Variants in SERPINA4 observed in about 807,000 individuals in gnomAD.
SERPINA4 encodes serpin family A member 4.
Under a neutral mutation model 25.4 loss-of-function variants are expected in SERPINA4, and 24 were observed. The observed-to-expected ratio is 0.95, with a 90% CI of 0.69 to 1.33. The LOEUF (loss-of-function observed/expected upper bound fraction) is 1.33. Ranked by LOEUF, SERPINA4 falls within the 40% of genes most tolerant of loss-of-function variation. The pLI is 0.00. For synonymous variants in SERPINA4, 242 were observed against 223.6 expected (o/e 1.08, Z -0.73); for missense variants, 553 against 535.8 (o/e 1.03, Z -0.32).
intron 2 of SERPINA4, among the ~76,000 whole-genome samples, chr14:94,565,521 T>C (rs1338445383): frequency 1.3e-5 from 2 of 152,192 alleles, no homozygotes; most frequent in Non-Finnish European, 2.9e-5. Flanking sequence ...CATGTGGAAT[T>C]TTCATGAACC....
At chr14:94,564,248 G>A in intron 2 of SERPINA4, 117 bp downstream of exon 2, 2 of 1,064,302 alleles carry the variant, frequency 1.9e-6, no homozygotes, top group East Asian at 2.4e-5. Context: ...GTGTCTGATA[G>A]GGTTGAGCAA....
rs768543200 is a variant in SERPINA4 at position 94,563,806 on chromosome 14, C to A, written c.324C>A (p.Asn108Lys). Reference sequence around the variant, plus strand: ...AGATCCTTGAGGGCCTGGGCTTCAACCTCACCGAGCTGTCTGAGTCCGATG... The same window carrying A: ...AGATCCTTGAGGGCCTGGGCTTCAAACTCACCGAGCTGTCTGAGTCCGATG... ...RSQILEGLGF[N>K]LTELSESDVH... The change falls in exon 2 of 5, where the codon AAC (asparagine) becomes AAA (lysine). Residue 108 changes from asparagine to lysine, a missense_variant. By Grantham distance (94) the Asn-to-Lys change is moderately conservative (BLOSUM62 0). Coordinates refer to ENST00000557004, the MANE Select transcript of SERPINA4 (RefSeq NM_006215.4). 10 of 1,614,102 alleles carry A rather than the reference C, an allele frequency of 6.2e-6. No individual in the cohort carries two copies. The highest frequency in any genetic ancestry group is 1.3e-5 in the African/African-American group (1 of 74,952).
chr14:94,568,898 A>T (rs1425984371), intron 4 of SERPINA4, among the ~76,000 whole-genome samples: 2 of 151,232 alleles, frequency 1.3e-5, no homozygotes, highest in South Asian at 2.1e-4. Flanking sequence ...AATAGAGGAA[A>T]CAGAGAGGAG....
chr14:94,566,868 C>T (rs898764819), intron 2 of SERPINA4, 102 bp from the exon 3 acceptor site: 56 of 1,368,410 alleles, frequency 4.1e-5, no homozygotes, highest in Non-Finnish European at 5.2e-5. Context: ...GGATCTGGAG[C>T]GACTGTTTCT....
chr14:94,566,861 T>A, intron 2 of SERPINA4, 109 bp from the exon 3 acceptor site: 4 of 1,317,088 alleles, frequency 3.0e-6, no homozygotes, highest in Non-Finnish European at 4.2e-6. Flanking sequence ...TAGGGCAGGA[T>A]CTGGAGCGAC....
chr14:94,561,832 G>A (rs538222627), intron 1 of SERPINA4: 333 of 1,289,820 alleles, frequency 2.6e-4, no homozygotes, highest in East Asian at 3.9e-4. Context: ...AGCTCATGCC[G>A]GAGGGGAGGT....
intron 1 of SERPINA4, 129 bp downstream of exon 1, chr14:94,561,623 C>A (rs1033272303): frequency 7.9e-7 from 1 of 1,266,712 alleles, no homozygotes; most frequent in Non-Finnish European, 1.0e-6. Flanking sequence ...AAGTCCCAGG[C>A]AAGCTGGGAC....
chr14:94,565,672 C>G (rs1022435352), intron 2 of SERPINA4, among the ~76,000 whole-genome samples: 1 of 140,420 alleles, frequency 7.1e-6, no homozygotes, highest in Non-Finnish European at 1.5e-5. Flanking sequence ...ATGGCAAAAC[C>G]CTGTCTCTAC....
intron 3 of SERPINA4, among the ~76,000 whole-genome samples, chr14:94,567,608 A>T (rs1024801226): frequency 6.6e-6 from 1 of 152,136 alleles, no homozygotes; most frequent in Non-Finnish European, 1.5e-5. Context: ...AGTGGGACTT[A>T]AAAAAACTCC....
chr14:94,563,122 G>A (rs1397961285), intron 1 of SERPINA4, among the ~76,000 whole-genome samples: 2 of 152,194 alleles, frequency 1.3e-5, no homozygotes, highest in African/African-American at 2.4e-5. Flanking sequence ...GCTGGGATAT[G>A]TGCTAGGTAG....
chr14:94,565,419 C>A (rs1902173012), intron 2 of SERPINA4, among the ~76,000 whole-genome samples: 2 of 152,190 alleles, frequency 1.3e-5, no homozygotes, highest in South Asian at 4.1e-4. Context: ...ACAGTTCTAA[C>A]CAGCTTGAAC....
rs777829784 is a variant in SERPINA4, at chr14:94,568,139, A to C, written c.934A>C (p.Lys312Gln). 4 of 1,614,170 alleles carry C rather than the reference A, an allele frequency of 2.5e-6. No individual in the cohort carries two copies. The highest frequency in any genetic ancestry group is 1.7e-5 in the Admixed American group (1 of 60,026). The stretch of plus-strand genomic sequence containing the variant: ...CAATGCCCCTTTCAGGAATTTTTAC[A>C]AGAAGCTAGAGTTGCATCTTCCCAA... ...NNLLRKRNFYKKLELHLPKFS... is the reference protein window; with the variant it reads ...NNLLRKRNFYQKLELHLPKFS... Residue 312 changes from lysine (K) to glutamine (Q), a missense_variant, in exon 4 of 5, where the codon AAG becomes CAG. Coordinates refer to ENST00000557004, the MANE Select transcript of SERPINA4 (RefSeq NM_006215.4).
rs201071840 is a variant in SERPINA4, at chr14:94,569,462, C to A, written c.1151C>A (p.Ala384Glu). ...GTEAAAATSF[A>E]IKFFSAQTNR... Reference sequence around the variant, plus strand: ...GAGGCTGCAGCAGCCACCAGCTTCGCGATCAAATTCTTCTCTGCCCAGACC... The same window carrying A: ...GAGGCTGCAGCAGCCACCAGCTTCGAGATCAAATTCTTCTCTGCCCAGACC... The change falls in exon 5 of 5, where the codon GCG (alanine) becomes GAG (glutamate). Residue 384 changes from alanine (A) to glutamate (E), a missense_variant. Ala to Glu is a moderately radical substitution (Grantham distance 107). Transcript: ENST00000557004. 2 of 1,614,058 alleles carry A rather than the reference C, an allele frequency of 1.2e-6. No individual in the cohort carries two copies. Among genetic ancestry groups the A allele is most frequent in the East Asian group, 4.5e-5 (2 of 44,894 alleles).
chr14:94,563,624 A>C lies in SERPINA4; in HGVS notation c.142A>C (p.Ser48Arg). The change falls in exon 2 of 5, where the codon AGC (serine) becomes CGC (arginine). Residue 48 changes from serine (S) to arginine (R), a missense_variant. Ser to Arg is a moderately radical substitution (Grantham distance 110). Transcript: ENST00000557004. ...TCTGGAGACAGGTGAGGGCTCCCCCAGCCTCAAGATAGCCCCTGCCAATGC... is the reference window on the plus strand; with the variant it reads ...TCTGGAGACAGGTGAGGGCTCCCCCCGCCTCAAGATAGCCCCTGCCAATGC... ...QILETGEGSP[S>R]LKIAPANADF... 1 of 1,613,908 alleles carries C rather than the reference A, an allele frequency of 6.2e-7. No homozygotes were observed. The highest frequency in any genetic ancestry group is 1.1e-5 in the South Asian group (1 of 91,070).
intron 1 of SERPINA4, 58 bp downstream of exon 1, chr14:94,561,552 G>C: frequency 6.1e-6 from 5 of 821,748 alleles, no homozygotes; most frequent in South Asian, 1.7e-5. Flanking sequence ...GTGACCAACT[G>C]TTCCACTTTG....
At position 94,569,743 on chromosome 14, in the gene SERPINA4, G is replaced by A; in HGVS notation, c.*148G>A. 1 of 805,030 alleles carries A rather than the reference G, an allele frequency of 1.2e-6. No individual in the cohort carries two copies. The highest frequency in any genetic ancestry group is 2.0e-6 in the Non-Finnish European group (1 of 509,202). 49.9% of individuals were successfully genotyped at this position (805,030 alleles called of 1,614,324 possible). Reference sequence around the variant, plus strand: ...GCAGGTGCTGGCCGGTGGGGAGCGGGGAGGGGCACTGAGATGGGCAGGGCC... The same window carrying A: ...GCAGGTGCTGGCCGGTGGGGAGCGGAGAGGGGCACTGAGATGGGCAGGGCC... On this transcript the variant is annotated 3_prime_UTR_variant, in exon 5 of 5. Coordinates refer to ENST00000557004, the MANE Select transcript of SERPINA4 (RefSeq NM_006215.4).
intron 1 of SERPINA4, 169 bp downstream of exon 1, chr14:94,561,663 TACTC>T (rs1276608254): frequency 1.6e-6 from 2 of 1,288,234 alleles, no homozygotes; most frequent in African/African-American, 1.5e-5. Context: ...AGGTGAGAAA[TACTC>T]AGGCTAGAAA....
Position 94,569,683 on chromosome 14 carries a change from C to T in SERPINA4, c.*88C>T. 1.4e-6 allele frequency: 2 copies of T among 1,424,278 alleles called. No homozygotes were observed. Among genetic ancestry groups the T allele is most frequent in the Non-Finnish European group, 2.0e-6 (2 of 1,024,314 alleles). 88.2% of individuals were successfully genotyped at this position (1,424,278 alleles called of 1,614,324 possible). On this transcript the variant is annotated 3_prime_UTR_variant, in exon 5 of 5. Coordinates refer to ENST00000557004, the MANE Select transcript of SERPINA4 (RefSeq NM_006215.4). ...GTAGCTCTGTGTTTAGAGTTGGGGA[C>T]AAGGATGACACCGAAGGTCCAGGAG...
At chr14:94,562,271 A>G (rs1485218354) in intron 1 of SERPINA4, among the ~76,000 whole-genome samples, 4 of 152,174 alleles carry the variant, frequency 2.6e-5, no homozygotes, top group African/African-American at 7.2e-5. Flanking sequence ...AACCACAGAT[A>G]TTACTATCTG....
Sources: gnomAD v4.1 joint callset for allele counts (sites outside exome capture counted in the v4.1 genomes callset) on GRCh38, gnomAD v4.1.1 for gene constraint, MANE v1.5 for transcripts, NCBI Gene and HGNC (gene_info 2026-07-23, HGNC 2026-07-21) for gene names.